The following WDFY4 variants were observed in gnomAD, a reference collection of about 807,000 sequenced individuals.
The protein encoded by WDFY4 is WDFY family member 4, also known as WD repeat- and FYVE domain-containing protein 4.
WDFY4 carries 169 observed loss-of-function variants against 351.9 expected under a neutral mutation model. The ratio of observed to expected loss-of-function variants is 0.48; its 90% CI spans 0.42 to 0.55. The LOEUF (loss-of-function observed/expected upper bound fraction) is 0.55. WDFY4 is among the 20% of genes least tolerant of loss of function. The probability of loss-of-function intolerance (pLI) is 0.00; values close to 1 mark genes in which losing one functional copy is unlikely to be tolerated. For missense variants in WDFY4, 3,803 were observed against 3,935.6 expected (o/e 0.97, Z 0.90); for synonymous variants, 1,622 against 1,574.6 (o/e 1.03, Z -0.71).
intron 39 of WDFY4, among the ~76,000 whole-genome samples, chr10:48,858,563 G>C (rs2069224826): frequency 6.6e-6 from 1 of 152,172 alleles, no homozygotes; most frequent in South Asian, 2.1e-4. Context: ...TGATCTATAT[G>C]TCTATTCCTC....
chr10:48,877,724 G>A (rs2070081748), intron 43 of WDFY4, among the ~76,000 whole-genome samples: 1 of 152,212 alleles, frequency 6.6e-6, no homozygotes, highest in Non-Finnish European at 1.5e-5. Context: ...CAAAAGGGTG[G>A]CTCTGGGGAT....
chr10:48,693,188 A>G (rs2063241113), intron 1 of WDFY4, among the ~76,000 whole-genome samples: 1 of 152,146 alleles, frequency 6.6e-6, no homozygotes, highest in Admixed American at 6.5e-5. Flanking sequence ...TTTCCCAGAG[A>G]ACATGGGAGC....
chr10:48,766,648 G>A (rs2065681820), intron 13 of WDFY4, among the ~76,000 whole-genome samples: 1 of 152,192 alleles, frequency 6.6e-6, no homozygotes, highest in Admixed American at 6.5e-5. Context: ...ATCTCACATG[G>A]AGAAGAAGGG....
Position 48,982,794 on chromosome 10 carries a change from G to A in WDFY4, c.*219G>A, listed in dbSNP as rs1189628888. Reference sequence around the variant, plus strand: ...TGAGCACACACACTCGGAGGGCTGAGCAGCACGCTGGAAACTGTGACTTGG... The same window carrying A: ...TGAGCACACACACTCGGAGGGCTGAACAGCACGCTGGAAACTGTGACTTGG... On this transcript the variant is annotated 3_prime_UTR_variant, in exon 62 of 62. Transcript: ENST00000325239. 4 of 591,176 alleles carry A rather than the reference G, an allele frequency of 6.8e-6. No homozygotes were observed. Among genetic ancestry groups the A allele is most frequent in the Non-Finnish European group, 9.8e-6 (3 of 305,610 alleles). 36.6% of individuals were successfully genotyped at this position (591,176 alleles called of 1,614,324 possible).
chr10:48,980,044 G>C (rs745512056), intron 60 of WDFY4: 4 of 152,208 alleles, frequency 2.6e-5, no homozygotes, highest in Non-Finnish European at 4.4e-5. Context: ...GGGGGTCTTA[G>C]ACTGACAGGG....
At chr10:48,910,097 G>A (rs144778976) in intron 47 of WDFY4, 274 of 737,092 alleles carry the variant, frequency 3.7e-4, no homozygotes, top group African/African-American at 3.6e-3. Flanking sequence ...GAAGCAAGTC[G>A]GTGGCTTGGC....
chr10:48,765,464 A>T (rs961698546), intron 13 of WDFY4, among the ~76,000 whole-genome samples: 3 of 152,238 alleles, frequency 2.0e-5, no homozygotes, highest in Non-Finnish European at 4.4e-5. Context: ...GGAGCTTAGC[A>T]TGGTGAGCAG....
At chr10:48,909,532 A>G (rs1210458591) in intron 47 of WDFY4, 1 of 152,214 alleles carries the variant, frequency 6.6e-6, no homozygotes, top group African/African-American at 2.4e-5. Context: ...CAAGCTGTAC[A>G]GGTGCCGGCA....
intron 37 of WDFY4, 40 bp downstream of exon 37, chr10:48,828,936 G>GGGGC (rs1555028379): frequency 1.6e-5 from 4 of 245,644 alleles, no homozygotes; most frequent in African/African-American, 1.1e-4. Flanking sequence ...GCGGGGGGGG[G>GGGGC]GCGGGGAGGG....
At chr10:48,980,893 G>GA (rs763571467) in intron 60 of WDFY4, among the ~76,000 whole-genome samples, 36 of 152,088 alleles carry the variant, frequency 2.4e-4, no homozygotes, top group Non-Finnish European at 4.9e-4. Context: ...TATATTTTTT[G>GA]AAAAAAACAT....
intron 7 of WDFY4, among the ~76,000 whole-genome samples, chr10:48,728,194 C>T (rs374194881): frequency 3.9e-5 from 6 of 152,226 alleles, no homozygotes; most frequent in African/African-American, 9.7e-5. Context: ...CCCTGTCTCA[C>T]GTGGCCTCTC....
chr10:48,736,136 T>G, intron 11 of WDFY4, 66 bp downstream of exon 11: 2 of 1,534,604 alleles, frequency 1.3e-6, no homozygotes, highest in East Asian at 4.9e-5. Flanking sequence ...CCACATTTGC[T>G]CAGGCATTTG....
rs543915062 is a variant in WDFY4 at position 48,747,435 on chromosome 10, C to G, written c.2459+3887C>G. Among the ~76,000 whole-genome samples, 3 of 152,252 alleles carry G rather than the reference C, an allele frequency of 2.0e-5. No homozygotes were observed. The South Asian group carries it at 6.2e-4, about 32-fold the overall frequency. On this transcript the variant is annotated intron_variant, in intron 12 of 61. Transcript: ENST00000325239. ...GGATTTTTAAATTATGACCTCTTCT[C>G]CATCCCTTTTCCTATTATGCCTTTT...
chr10:48,844,064 G>C (rs1358634595), intron 39 of WDFY4, among the ~76,000 whole-genome samples: 1 of 152,206 alleles, frequency 6.6e-6, no homozygotes, highest in African/African-American at 2.4e-5. Flanking sequence ...GGGCCGCCTG[G>C]CGCCTGCCGC....
At chr10:48,764,043 C>T (rs1393333276) in intron 13 of WDFY4, among the ~76,000 whole-genome samples, 1 of 152,190 alleles carries the variant, frequency 6.6e-6, no homozygotes, top group Non-Finnish European at 1.5e-5. Context: ...AAGTATGTTT[C>T]CTGTCATCTT....
chr10:48,829,711 G>A (rs1413173266), intron 37 of WDFY4, among the ~76,000 whole-genome samples: 1 of 152,186 alleles, frequency 6.6e-6, no homozygotes, highest in South Asian at 2.1e-4. Flanking sequence ...AATTAGCTGG[G>A]CATAGTGGCG....
At chr10:48,963,076 G>A (rs528327112) in intron 53 of WDFY4, among the ~76,000 whole-genome samples, 1 of 152,198 alleles carries the variant, frequency 6.6e-6, no homozygotes, top group African/African-American at 2.4e-5. Flanking sequence ...CCCCTGTGAG[G>A]TTCTGAGGAA....
chr10:48,755,681 T>C (rs2065316153), intron 12 of WDFY4, among the ~76,000 whole-genome samples: 1 of 152,202 alleles, frequency 6.6e-6, no homozygotes, highest in Admixed American at 6.5e-5. Flanking sequence ...TATTTATATA[T>C]GTCTTTGGAC....
chr10:48,723,680 C>T (rs1331680822), intron 5 of WDFY4, 113 bp downstream of exon 5: 2 of 1,419,722 alleles, frequency 1.4e-6, no homozygotes, highest in Admixed American at 2.2e-5. Context: ...TCCTGAACTC[C>T]TCTGTTCTCC....
Sources: gnomAD v4.1 joint callset for allele counts (sites outside exome capture counted in the v4.1 genomes callset) on GRCh38, gnomAD v4.1.1 for gene constraint, MANE v1.5 for transcripts, NCBI Gene and HGNC (gene_info 2026-07-23, HGNC 2026-07-21) for gene names.